The following MAPRE2 variants were observed in gnomAD, a reference collection of about 807,000 sequenced individuals.
The protein encoded by MAPRE2 is microtubule associated protein RP/EB family member 2.
A neutral mutation model predicts 43.2 loss-of-function variants in MAPRE2; 13 were observed. That is an observed-to-expected ratio of 0.30 (90% CI 0.20 to 0.48). The LOEUF is 0.48. Ranked by LOEUF, MAPRE2 falls within the 20% of genes least tolerant of loss-of-function variation. MAPRE2 has a pLI of 0.99. For missense variants in MAPRE2, 161 were observed against 400.2 expected (o/e 0.40, Z 5.10); for synonymous variants, 135 against 148.8 (o/e 0.91, Z 0.68).
chr18:35,123,452 G>GC (rs1195906761), intron 4 of MAPRE2, among the ~76,000 whole-genome samples: 8 of 152,268 alleles, frequency 5.3e-5, no homozygotes, highest in African/African-American at 1.9e-4. Flanking sequence ...ATCTAGGGAA[G>GC]CCCCCTCTGC....
chr18:35,050,918 G>GA (rs1340317506), intron 1 of MAPRE2, among the ~76,000 whole-genome samples: 2 of 151,958 alleles, frequency 1.3e-5, no homozygotes, highest in Non-Finnish European at 2.9e-5. Context: ...GACCAATTAA[G>GA]AAAAAAACAA....
At chr18:35,015,779 C>A (rs1412234222) in intron 2 of MAPRE2, among the ~76,000 whole-genome samples, 2 of 151,830 alleles carry the variant, frequency 1.3e-5, no homozygotes, top group African/African-American at 2.4e-5. Context: ...ATTGCAGAAA[C>A]ACTAACTAAA....
chr18:35,054,212 G>A (rs1206211708), intron 1 of MAPRE2, among the ~76,000 whole-genome samples: 3 of 152,146 alleles, frequency 2.0e-5, no homozygotes, highest in East Asian at 1.9e-4. Flanking sequence ...CAAAAGCTTA[G>A]TAAGGTCATA....
intron 1 of MAPRE2, among the ~76,000 whole-genome samples, chr18:34,993,629 G>A (rs1365288749): frequency 6.6e-6 from 1 of 152,094 alleles, no homozygotes; most frequent in East Asian, 1.9e-4. Flanking sequence ...TTATGGCCCT[G>A]GCACCTAAAA....
At chr18:35,126,333 T>A (rs1603403714) in intron 4 of MAPRE2, among the ~76,000 whole-genome samples, 1 of 152,036 alleles carries the variant, frequency 6.6e-6, no homozygotes, top group Non-Finnish European at 1.5e-5. Context: ...ACACAAGATA[T>A]CCTAAGCTTA....
rs1193547404 is a variant in MAPRE2, at chr18:35,141,919, T to C, written c.*1550T>C. The C allele has an allele frequency of 6.6e-6, 1 of 151,664 alleles. No individual in the cohort carries two copies. Among genetic ancestry groups the C allele is most frequent in the Non-Finnish European group, 1.5e-5 (1 of 67,994 alleles). 9.4% of individuals were successfully genotyped at this position (151,664 alleles called of 1,614,324 possible). On this transcript the variant is annotated 3_prime_UTR_variant, in exon 7 of 7. Transcript: ENST00000300249. The stretch of plus-strand genomic sequence containing the variant: ...GAATTCTAAATTCTAGCATTGAAGC[T>C]TTTCACCAAAAGAAGTCTCTCCAAA...
intron 2 of MAPRE2, among the ~76,000 whole-genome samples, chr18:35,089,603 C>T (rs1269938989): frequency 1.3e-5 from 2 of 152,198 alleles, no homozygotes; most frequent in Admixed American, 6.5e-5. Flanking sequence ...ACCACAGTGA[C>T]ATACCACTTC....
chr18:35,056,153 A>G (rs981015905), intron 1 of MAPRE2, among the ~76,000 whole-genome samples: 1 of 152,088 alleles, frequency 6.6e-6, no homozygotes, highest in Non-Finnish European at 1.5e-5. Flanking sequence ...GTAGATTTTT[A>G]TTTTTACTAG....
chr18:35,117,260 G>A (rs917365887), intron 4 of MAPRE2, among the ~76,000 whole-genome samples: 6 of 152,186 alleles, frequency 3.9e-5, no homozygotes, highest in African/African-American at 7.2e-5. Flanking sequence ...GGCTCACCGC[G>A]GAGTTCTCCC....
intron 1 of MAPRE2, among the ~76,000 whole-genome samples, chr18:35,002,232 C>A (rs2097029722): frequency 6.6e-6 from 1 of 152,180 alleles, no homozygotes; most frequent in Non-Finnish European, 1.5e-5. Context: ...CAACCTAATT[C>A]TCTGGAGATT....
chr18:35,109,496 A>G (rs924903610), intron 4 of MAPRE2, among the ~76,000 whole-genome samples: 1 of 152,218 alleles, frequency 6.6e-6, no homozygotes, highest in Non-Finnish European at 1.5e-5. Flanking sequence ...TCTGTGAAGA[A>G]TGTCAATGGT....
intron 2 of MAPRE2, among the ~76,000 whole-genome samples, chr18:35,019,006 G>C (rs2097040288): frequency 6.6e-6 from 1 of 151,686 alleles, no homozygotes; most frequent in South Asian, 2.1e-4. Flanking sequence ...CAGAGATTTT[G>C]GTATGTTGCA....
At chr18:35,031,638 A>G (rs2097047896) in intron 2 of MAPRE2, among the ~76,000 whole-genome samples, 1 of 152,260 alleles carries the variant, frequency 6.6e-6, no homozygotes, top group Non-Finnish European at 1.5e-5. Context: ...AAAGCAGATT[A>G]GAAATAAATT....
chr18:35,006,149 G>A (rs1416011874), intron 2 of MAPRE2, among the ~76,000 whole-genome samples: 1 of 152,078 alleles, frequency 6.6e-6, no homozygotes, highest in Non-Finnish European at 1.5e-5. Context: ...TTAGAACAAA[G>A]GAACAATTAA....
intron 4 of MAPRE2, 56 bp downstream of exon 4, chr18:35,102,215 C>G: frequency 7.7e-7 from 1 of 1,306,032 alleles, no homozygotes; most frequent in Non-Finnish European, 1.1e-6. Flanking sequence ...TGGCTCAGAC[C>G]CTTCTGTTAT....
intron 1 of MAPRE2, among the ~76,000 whole-genome samples, chr18:34,980,023 C>CTTTTTTTTTTTTTTTTTTTTTTTTT (rs1450524683): frequency 2.3e-5 from 3 of 132,504 alleles, no homozygotes; most frequent in Admixed American, 7.5e-5. Flanking sequence ...TTTTCTTTTT[C>CTTTTTTTTTTTTTTTTTTTTTTTTT]TTTTTTTCTT....
intron 2 of MAPRE2, among the ~76,000 whole-genome samples, chr18:35,031,582 T>C (rs2097047873): frequency 6.6e-6 from 1 of 152,228 alleles, no homozygotes; most frequent in Non-Finnish European, 1.5e-5. Context: ...TCATGTTCTA[T>C]GAGTTATTCT....
At chr18:35,058,860 G>A (rs749762764) in intron 1 of MAPRE2, among the ~76,000 whole-genome samples, 5 of 152,136 alleles carry the variant, frequency 3.3e-5, no homozygotes, top group African/African-American at 4.8e-5. Flanking sequence ...TTAATCTCAT[G>A]ACATAAACAC....
At chr18:35,093,211 CAAAAAAAAAAAAA>C (rs56833433) in intron 2 of MAPRE2, among the ~76,000 whole-genome samples, 5 of 52,272 alleles carry the variant, frequency 9.6e-5, no homozygotes, top group Admixed American at 3.0e-4. Context: ...GACCCTGTCT[CAAAAAAAAAAAAA>C]AAAAAAAAAA....
Sources: allele counts gnomAD v4.1 joint callset (sites outside exome capture counted in the v4.1 genomes callset), GRCh38; gene constraint gnomAD v4.1.1; transcripts MANE v1.5; gene names NCBI Gene and HGNC (gene_info 2026-07-23, HGNC 2026-07-21).